TBC1D5: variants seen among roughly 807,000 people sequenced by gnomAD.
The protein encoded by TBC1D5 is TBC1 domain family member 5.
TBC1D5 carries 75 observed loss-of-function variants against 100.3 expected under a neutral mutation model. That is an observed-to-expected ratio of 0.75 (90% CI 0.62 to 0.91). TBC1D5 has a LOEUF of 0.91. Ranked by LOEUF, TBC1D5 falls within the 40% of genes least tolerant of loss-of-function variation. The pLI, the probability that TBC1D5 is intolerant of heterozygous loss-of-function variation, is 0.00. For missense variants in TBC1D5, 910 were observed against 942.4 expected, an observed-to-expected ratio of 0.97 and a Z score of 0.45; for synonymous variants, 323 against 325.6, an observed-to-expected ratio of 0.99 and a Z score of 0.09.
chr3:17,583,314 T>C (rs1011345288), intron 2 of TBC1D5, among the ~76,000 whole-genome samples: 1 of 151,864 alleles, frequency 6.6e-6, no homozygotes, highest in African/African-American at 2.4e-5. Flanking sequence ...ATTACTTAAA[T>C]ATGTAAGAAA....
intron 2 of TBC1D5, among the ~76,000 whole-genome samples, chr3:17,556,390 TTCA>T (rs1315422236): frequency 6.6e-6 from 1 of 152,182 alleles, no homozygotes; most frequent in African/African-American, 2.4e-5. Context: ...TTCCTGTATT[TTCA>T]TCATCATCTT....
intron 16 of TBC1D5, among the ~76,000 whole-genome samples, chr3:17,249,842 G>A (rs1234276503): frequency 6.6e-6 from 1 of 152,140 alleles, no homozygotes; most frequent in Non-Finnish European, 1.5e-5. Context: ...AGTATTTATT[G>A]ATTAAATTTG....
intron 1 of TBC1D5, among the ~76,000 whole-genome samples, chr3:17,734,091 T>C (rs2076777442): frequency 1.3e-5 from 2 of 152,168 alleles, no homozygotes; most frequent in African/African-American, 2.4e-5. Flanking sequence ...AATTAATGCA[T>C]AGGCACGAAG....
At chr3:17,620,852 A>G (rs1277883196) in intron 2 of TBC1D5, among the ~76,000 whole-genome samples, 2 of 152,198 alleles carry the variant, frequency 1.3e-5, no homozygotes. Flanking sequence ...TTTCAAATTA[A>G]TATCATAAAC....
Position 17,591,241 on chromosome 3 carries a change from AAAAAAAAAAAAAAAAAAAAAAAAAAC to A in TBC1D5, c.-36+32582_-36+32607del, listed in dbSNP as rs1485724621. Among the ~76,000 whole-genome samples, 12 of 104,074 alleles carry A rather than the reference AAAAAAAAAAAAAAAAAAAAAAAAAAC, an allele frequency of 1.2e-4. 1 individual carries two copies. The South Asian group carries it at 2.9e-3, about 25-fold the overall frequency. 68.3% of individuals were successfully genotyped at this position (104,074 alleles called of 152,430 possible). Reference sequence around the variant, plus strand: ...ACAAAGAAAGGATCTGTCAAAAAAAAAAAAAAAAAAAAAAAAAAAAAAAAACAAAAACCCCAGAGAATCATGGCCCC... The same window carrying A: ...ACAAAGAAAGGATCTGTCAAAAAAAAAAAAACCCCAGAGAATCATGGCCCC... On this transcript the variant is annotated intron_variant, in intron 2 of 21. Transcript: ENST00000253692.
intron 2 of TBC1D5, among the ~76,000 whole-genome samples, chr3:17,573,544 ACT>A (rs1386065280): frequency 6.6e-6 from 1 of 151,840 alleles, no homozygotes; most frequent in East Asian, 1.9e-4. Context: ...AACCCACAAG[ACT>A]CTTCAAAAAT....
intron 1 of TBC1D5, among the ~76,000 whole-genome samples, chr3:17,680,169 G>A (rs2069252970): frequency 6.7e-6 from 1 of 150,186 alleles, no homozygotes; most frequent in Non-Finnish European, 1.5e-5. Flanking sequence ...TGCATTTTTT[G>A]GTACTCTGTA....
chr3:17,585,288 A>C (rs1428155322), intron 2 of TBC1D5, among the ~76,000 whole-genome samples: 1 of 152,236 alleles, frequency 6.6e-6, no homozygotes. Flanking sequence ...GATATTCAGG[A>C]TGTAAAAAGT....
chr3:17,190,515 C>T (rs185954838), intron 18 of TBC1D5, among the ~76,000 whole-genome samples: 34 of 152,304 alleles, frequency 2.2e-4, no homozygotes, highest in Non-Finnish European at 5.0e-4. Flanking sequence ...TGAGCCAGAA[C>T]ATGGGGATAG....
At chr3:17,687,228 C>T (rs2070424304) in intron 1 of TBC1D5, among the ~76,000 whole-genome samples, 1 of 150,262 alleles carries the variant, frequency 6.7e-6, no homozygotes, top group African/African-American at 2.5e-5. Context: ...AGTCTACAGT[C>T]ATAAAAAATG....
intron 13 of TBC1D5, among the ~76,000 whole-genome samples, chr3:17,351,624 A>G (rs2090593208): frequency 6.6e-6 from 1 of 152,052 alleles, no homozygotes; most frequent in African/African-American, 2.4e-5. Context: ...GAAATACCTA[A>G]TATAGATGAT....
chr3:17,405,823 T>C (rs970489197), intron 5 of TBC1D5, among the ~76,000 whole-genome samples: 1 of 151,770 alleles, frequency 6.6e-6, no homozygotes, highest in Non-Finnish European at 1.5e-5. Flanking sequence ...TAGAAATGAG[T>C]CTAAACCTAA....
chr3:17,375,737 T>G (rs368264447), intron 10 of TBC1D5, among the ~76,000 whole-genome samples: 44 of 152,176 alleles, frequency 2.9e-4, no homozygotes, highest in African/African-American at 9.6e-4. Context: ...ATCTATAAAC[T>G]AATAGACAAA....
At chr3:17,313,024 A>C (rs1190975401) in intron 13 of TBC1D5, among the ~76,000 whole-genome samples, 2 of 152,210 alleles carry the variant, frequency 1.3e-5, no homozygotes, top group Non-Finnish European at 2.9e-5. Context: ...GAGTAACTTT[A>C]GCATATATAA....
At chr3:17,478,606 C>A (rs945138089) in intron 3 of TBC1D5, among the ~76,000 whole-genome samples, 3 of 152,164 alleles carry the variant, frequency 2.0e-5, no homozygotes, top group African/African-American at 7.2e-5. Flanking sequence ...GGATTGTTCA[C>A]TGCTAGTATA....
intron 13 of TBC1D5, among the ~76,000 whole-genome samples, chr3:17,335,022 G>A (rs2087486499): frequency 6.6e-6 from 1 of 152,088 alleles, no homozygotes; most frequent in African/African-American, 2.4e-5. Flanking sequence ...AGATGACAGA[G>A]ATTTAAATTT....
chr3:17,616,831 ACT>A (rs1296898752), intron 2 of TBC1D5, among the ~76,000 whole-genome samples: 1 of 151,378 alleles, frequency 6.6e-6, no homozygotes, highest in Non-Finnish European at 1.5e-5. Context: ...ATGGGTCTTG[ACT>A]CTTTATCCAA....
At chr3:17,273,940 T>G (rs888919188) in intron 15 of TBC1D5, among the ~76,000 whole-genome samples, 61 of 151,786 alleles carry the variant, frequency 4.0e-4, no homozygotes, top group African/African-American at 1.5e-3. Context: ...GTTGATACTC[T>G]TTCTTAAAAG....
intron 12 of TBC1D5, among the ~76,000 whole-genome samples, chr3:17,374,261 T>C (rs1448856799): frequency 1.3e-5 from 2 of 152,120 alleles, no homozygotes; most frequent in Non-Finnish European, 2.9e-5. Flanking sequence ...AAAATGTATT[T>C]ATATGAAATT....
Sources: allele counts gnomAD v4.1 joint callset (sites outside exome capture counted in the v4.1 genomes callset), GRCh38; gene constraint gnomAD v4.1.1; transcripts MANE v1.5; gene names NCBI Gene and HGNC (gene_info 2026-07-23, HGNC 2026-07-21).